COG6: variants seen among roughly 807,000 people sequenced by gnomAD.
COG6 encodes the protein conserved oligomeric Golgi complex subunit 6.
COG6 carries 74 observed loss-of-function variants against 88.8 expected under a neutral mutation model. The observed-to-expected ratio is 0.83, with a 90% CI of 0.69 to 1.01. The LOEUF is 1.01. COG6 is among the 50% of genes least tolerant of loss of function. The probability of loss-of-function intolerance (pLI) is 0.00; values close to 1 mark genes in which losing one functional copy is unlikely to be tolerated. For synonymous variants in COG6, 286 were observed against 278.7 expected, an observed-to-expected ratio of 1.03 and a Z score of -0.26; for missense variants, 800 against 797.9, an observed-to-expected ratio of 1.00 and a Z score of -0.03.
At chr13:39,655,631 C>T (rs1330054716), upstream of COG6, 6 of 1,407,656 alleles carry the variant, frequency 4.3e-6, no homozygotes, top group Non-Finnish European at 5.9e-6. Context: ...GGGGCCGATG[C>T]GCATGCGCGG....
Position 39,687,783 on chromosome 13 carries a change from G to A in COG6, c.993G>A (p.Lys331=), listed in dbSNP as rs761181581. 7 of 1,613,246 alleles carry A rather than the reference G, an allele frequency of 4.3e-6. No homozygotes were observed. In the East Asian group the frequency reaches 1.6e-4, roughly 36 times the overall value. Residue 331 remains lysine, a synonymous_variant, in exon 10 of 19, where the codon AAG becomes AAA. Transcript: ENST00000455146. ...AGGAACACCTTGAAGCTCTCTTAAA[G>A]CATGTAACTACACAAGGTGGGTCCA... ...SEKEHLEALL[K]HVTTQGVEEN... is the part of the protein sequence containing the mutation.
rs545116031 is a variant in COG6, at chr13:39,659,394, A to C, written c.184A>C (p.Thr62Pro). ...EMLEALKALS[T>P]FFVENSLRTR... ...GTTAGAAGCTCTCAAGGCACTTTCA[A>C]CCTTTTTTGTTGAAAATAGTCTGCG... Residue 62 changes from threonine to proline, a missense_variant, in exon 2 of 19, where the codon ACC (threonine) becomes CCC (proline). Thr to Pro is a conservative substitution (Grantham distance 38). Transcript: ENST00000455146. 6 of 1,613,658 alleles carry C rather than the reference A, an allele frequency of 3.7e-6. No individual in the cohort carries two copies. The Admixed American group carries it at 5.0e-5, about 13-fold the overall frequency.
At position 39,752,533 on chromosome 13, in the gene COG6, A is replaced by G; in HGVS notation, c.*1440A>G. On this transcript the variant is annotated 3_prime_UTR_variant, in exon 19 of 19. Coordinates refer to ENST00000455146, the MANE Select transcript of COG6 (RefSeq NM_020751.3). ...ATATAATTTATTTCTACAGAGAAAG[A>G]AGATTGATACCTTGCTATGAGTGAA... The G allele has an allele frequency of 8.2e-7, 1 of 1,220,352 alleles. No homozygotes were observed. The highest frequency in any genetic ancestry group is 1.1e-6 in the Non-Finnish European group (1 of 935,814). The allele number at this position is 1,220,352 out of a possible 1,614,324, so 75.6% of individuals were successfully genotyped here.
chr13:39,723,574 T>C (rs1370425783), intron 16 of COG6, 134 bp downstream of exon 16: 2 of 667,134 alleles, frequency 3.0e-6, no homozygotes, highest in Admixed American at 4.3e-5. Flanking sequence ...TATTTTTCTG[T>C]ATCTGTTTCC....
At chr13:39,727,971 A>G (rs1354457786) in intron 18 of COG6, among the ~76,000 whole-genome samples, 2 of 152,148 alleles carry the variant, frequency 1.3e-5, no homozygotes, top group Admixed American at 1.3e-4. Flanking sequence ...ACTCAATATC[A>G]TTTATCAGGA....
chr13:39,708,422 G>C (rs534329927), intron 13 of COG6, among the ~76,000 whole-genome samples: 3 of 152,170 alleles, frequency 2.0e-5, no homozygotes, highest in Admixed American at 6.5e-5. Context: ...TTCATGATTA[G>C]TTCCTTTTGT....
At chr13:39,790,221 T>C (rs2138198016) in exon 19 of COG6, 1 of 152,194 alleles carries the variant, frequency 6.6e-6, no homozygotes, top group Non-Finnish European at 1.5e-5. Flanking sequence ...CTTGAACAAA[T>C]TATGTAATTT....
Position 39,694,846 on chromosome 13 carries a change from G to A in COG6, c.1166+121G>A, listed in dbSNP as rs189869207. 1.1e-3 allele frequency: 628 copies of A among 572,478 alleles called. 1 individual carries two copies. Among genetic ancestry groups the A allele is most frequent in the African/African-American group, 3.6e-3 (187 of 52,384 alleles). 35.5% of individuals were successfully genotyped at this position (572,478 alleles called of 1,614,324 possible). A position where few individuals can be genotyped will look rare whatever the true frequency, so the allele number is the denominator to read the frequency against. On this transcript the variant is annotated intron_variant, in intron 12 of 18. Transcript: ENST00000455146. ...ATTATACACTAAGTATAGACTAAGC[G>A]TAACTAGTAGGACTTCCACACCATG...
chr13:39,788,410 G>A, exon 19 of COG6: 2 of 1,536,822 alleles, frequency 1.3e-6, no homozygotes, highest in Non-Finnish European at 1.8e-6. Flanking sequence ...CCAGTTGTGG[G>A]AGGTGATGTC....
intron 1 of COG6, 57 bp from the exon 2 acceptor site, chr13:39,659,307 A>G (rs1263379127): frequency 6.6e-7 from 1 of 1,509,522 alleles, no homozygotes; most frequent in Admixed American, 1.7e-5. Flanking sequence ...TTGTCTTGAG[A>G]TTTGAAACCA....
At chr13:39,788,320 G>C (rs951493463) in intron 18 of COG6, 1 of 1,551,674 alleles carries the variant, frequency 6.4e-7, no homozygotes, top group Non-Finnish European at 8.7e-7. Context: ...TTTGATTGTT[G>C]GCATTTGCTC....
At chr13:39,672,598 T>C (rs1316511229) in intron 4 of COG6, among the ~76,000 whole-genome samples, 1 of 152,108 alleles carries the variant, frequency 6.6e-6, no homozygotes, top group Non-Finnish European at 1.5e-5. Context: ...TATGGCTGAA[T>C]AGTATTCCAT....
At chr13:39,757,185 T>A (rs1311966948), downstream of COG6, among the ~76,000 whole-genome samples, 2 of 152,126 alleles carry the variant, frequency 1.3e-5, no homozygotes, top group Non-Finnish European at 2.9e-5. Context: ...AGGAAATTTT[T>A]AAAATATACT....
Position 39,695,287 on chromosome 13 carries a change from G to A in COG6, c.1166+562G>A, listed in dbSNP as rs1215612543. On this transcript the variant is annotated intron_variant, in intron 12 of 18. Transcript: ENST00000455146. Reference sequence around the variant, plus strand: ...ACATAACAGCAACTTTATCTGATTAGGAACCACTTGTCTTATATAAAATGT... The same window carrying A: ...ACATAACAGCAACTTTATCTGATTAAGAACCACTTGTCTTATATAAAATGT... 4.0e-5 allele frequency among the ~76,000 whole-genome samples: 6 copies of A among 151,804 alleles called. No homozygotes were observed. In the East Asian group the frequency reaches 9.7e-4, roughly 25 times the overall value.
At chr13:39,680,099 T>A (rs1236883926) in intron 7 of COG6, 54 bp downstream of exon 7, 1 of 1,074,250 alleles carries the variant, frequency 9.3e-7, no homozygotes, top group East Asian at 2.4e-5. Flanking sequence ...AGTTGTTTTT[T>A]AAAATTTTAC....
At position 39,721,887 on chromosome 13, in the gene COG6, T is replaced by G. The variant is rs59120436; in HGVS notation, c.1585-1446T>G. ...ACTTACAGGGATTTTCCATTGAGTT[T>G]ATATGTTTTCCCAGGATATTTTTGG... On this transcript the variant is annotated intron_variant, in intron 15 of 18. Coordinates refer to ENST00000455146, the MANE Select transcript of COG6 (RefSeq NM_020751.3). Among the ~76,000 whole-genome samples, 5 of 152,214 alleles carry G rather than the reference T, an allele frequency of 3.3e-5. No individual in the cohort carries two copies. In the East Asian group the frequency reaches 9.7e-4, roughly 29 times the overall value.
intron 18 of COG6, among the ~76,000 whole-genome samples, chr13:39,731,566 TC>T (rs1879455906): frequency 6.6e-6 from 1 of 152,174 alleles, no homozygotes; most frequent in South Asian, 2.1e-4. Context: ...CACAGTTACT[TC>T]CATAATAACT....
At chr13:39,771,206 G>A (rs1272060217) in intron 18 of COG6, among the ~76,000 whole-genome samples, 1 of 152,132 alleles carries the variant, frequency 6.6e-6, no homozygotes, top group East Asian at 1.9e-4. Context: ...ACAACTTAAG[G>A]CCTGTCCTCT....
Position 39,659,396 on chromosome 13 carries a change from CTTT to C in COG6, c.190_192del (p.Phe64del), listed in dbSNP as rs1566167323. Reference sequence around the variant, plus strand: ...TAGAAGCTCTCAAGGCACTTTCAACCTTTTTTGTTGAAAATAGTCTGCGGACTC... The same window carrying C: ...TAGAAGCTCTCAAGGCACTTTCAACCTTTGTTGAAAATAGTCTGCGGACTC... On this transcript the variant is annotated inframe_deletion, in exon 2 of 19. Coordinates refer to ENST00000455146, the MANE Select transcript of COG6 (RefSeq NM_020751.3). The C allele has an allele frequency of 3.7e-6, 6 of 1,613,436 alleles. No individual in the cohort carries two copies. The highest frequency in any genetic ancestry group is 5.1e-6 in the Non-Finnish European group (6 of 1,179,618).
Sources: gnomAD v4.1 joint callset for allele counts (sites outside exome capture counted in the v4.1 genomes callset) on GRCh38, gnomAD v4.1.1 for gene constraint, MANE v1.5 for transcripts, NCBI Gene and HGNC (gene_info 2026-07-23, HGNC 2026-07-21) for gene names.